The following STARD13 variants were observed in gnomAD, a reference collection of about 807,000 sequenced individuals.
STARD13 encodes StAR related lipid transfer domain containing 13.
STARD13 carries 62 observed loss-of-function variants against 106.4 expected under a neutral mutation model. The observed-to-expected ratio is 0.58, with a 90% CI of 0.48 to 0.72. The LOEUF (loss-of-function observed/expected upper bound fraction) is 0.72, where lower values mean the gene tolerates loss of function less well. STARD13 is among the 30% of genes least tolerant of loss of function. The pLI is 0.00. For synonymous variants in STARD13, 565 were observed against 553.0 expected, an observed-to-expected ratio of 1.02 and a Z score of -0.31; for missense variants, 1,387 against 1,424.0, an observed-to-expected ratio of 0.97 and a Z score of 0.42.
At chr13:33,528,513 A>T in the STARD13 span, among the ~76,000 whole-genome samples, 9 of 151,158 alleles carry the variant, frequency 6.0e-5, no homozygotes, top group Non-Finnish European at 8.8e-5. Flanking sequence ...GCCTCAAGGG[A>T]TCTCTTGTCT....
chr13:33,616,751 TTAAG>T, the STARD13 span, among the ~76,000 whole-genome samples: 2 of 152,204 alleles, frequency 1.3e-5, no homozygotes, highest in Non-Finnish European at 2.9e-5. Context: ...GCTGTAGTAA[TTAAG>T]TAATTACATG....
intron 8 of STARD13, among the ~76,000 whole-genome samples, chr13:33,113,780 T>G (rs550296096): frequency 6.6e-6 from 1 of 152,278 alleles, no homozygotes; most frequent in East Asian, 1.9e-4. Context: ...TACCAGGGAA[T>G]TGGTTCCAAC....
chr13:33,634,830 C>T, the STARD13 span, among the ~76,000 whole-genome samples: 9,069 of 152,120 alleles, frequency 0.06, 507 homozygotes, highest in African/African-American at 0.15. Flanking sequence ...GGTGTCGCTG[C>T]GAATGAAGGG....
chr13:33,440,513 G>A, the STARD13 span, among the ~76,000 whole-genome samples: 1 of 151,386 alleles, frequency 6.6e-6, no homozygotes, highest in African/African-American at 2.4e-5. Flanking sequence ...TGTCCCTGCT[G>A]TCTTTTCTAC....
At chr13:33,562,108 A>G in the STARD13 span, among the ~76,000 whole-genome samples, 4 of 146,528 alleles carry the variant, frequency 2.7e-5, no homozygotes, top group African/African-American at 1.0e-4. Context: ...TTCATATGAG[A>G]TATAGATCCA....
the STARD13 span, among the ~76,000 whole-genome samples, chr13:33,601,598 TC>T: frequency 0.016 from 2,415 of 152,270 alleles, 75 homozygotes; most frequent in African/African-American, 0.055. Flanking sequence ...CTTGACCTAA[TC>T]TAACACACAA....
intron 1 of STARD13, among the ~76,000 whole-genome samples, chr13:33,322,327 A>T (rs761436057): frequency 6.6e-5 from 10 of 152,220 alleles, no homozygotes; most frequent in African/African-American, 9.6e-5. Context: ...AAACAATGCA[A>T]TCAGTAAATC....
the STARD13 span, among the ~76,000 whole-genome samples, chr13:33,582,480 A>G: frequency 1.3e-5 from 2 of 152,202 alleles, no homozygotes; most frequent in Non-Finnish European, 2.9e-5. Flanking sequence ...TGTGCCCAAC[A>G]GAAGAAGGTA....
chr13:33,376,583 C>G, the STARD13 span, among the ~76,000 whole-genome samples: 10 of 151,838 alleles, frequency 6.6e-5, no homozygotes, highest in Admixed American at 6.6e-4. Flanking sequence ...GAATACCCAC[C>G]ACACTCTATC....
chr13:33,112,711 A>G lies in STARD13; in HGVS notation c.2492+10T>C, dbSNP rs1874779812. ...TGGGATTACTGTTGTTACTGAGAAA[A>G]AAAACCCACCGTGGAGAGCTTTCTT... On this transcript the variant is annotated intron_variant, in intron 9 of 13. Coordinates refer to ENST00000336934, the MANE Select transcript of STARD13 (RefSeq NM_178006.4). 6.4e-7 allele frequency: 1 copy of G among 1,572,158 alleles called. No individual in the cohort carries two copies. Among genetic ancestry groups the G allele is most frequent in the Non-Finnish European group, 8.6e-7 (1 of 1,161,198 alleles).
the STARD13 span, among the ~76,000 whole-genome samples, chr13:33,540,882 A>T: frequency 2.0e-5 from 3 of 152,224 alleles, no homozygotes; most frequent in Non-Finnish European, 4.4e-5. Context: ...TTTAGGTGTG[A>T]GATCACACTA....
the STARD13 span, among the ~76,000 whole-genome samples, chr13:33,551,568 C>CTTTTTTTTTT: frequency 0.013 from 595 of 44,794 alleles, 293 homozygotes; most frequent in East Asian, 0.03. Context: ...TTTGCTTTTC[C>CTTTTTTTTTT]CTTTTTTTTT....
chr13:33,463,502 G>C, the STARD13 span, among the ~76,000 whole-genome samples: 1 of 152,170 alleles, frequency 6.6e-6, no homozygotes, highest in Non-Finnish European at 1.5e-5. Flanking sequence ...CTTCTGCCCT[G>C]TCCCTACTTT....
intron 1 of STARD13, among the ~76,000 whole-genome samples, chr13:33,189,470 ACT>A (rs1382821060): frequency 4.4e-5 from 6 of 137,670 alleles, no homozygotes; most frequent in Non-Finnish European, 9.5e-5. Flanking sequence ...AAGGGAAGGG[ACT>A]CTCTGGTTTG....
chr13:33,591,293 G>A, the STARD13 span, among the ~76,000 whole-genome samples: 1 of 152,168 alleles, frequency 6.6e-6, no homozygotes, highest in South Asian at 2.1e-4. Flanking sequence ...AACTCTGTCT[G>A]TTGGAACTTT....
At chr13:33,233,533 A>AAAATAAG (rs1176616717) in intron 1 of STARD13, among the ~76,000 whole-genome samples, 4 of 152,112 alleles carry the variant, frequency 2.6e-5, no homozygotes, top group Non-Finnish European at 5.9e-5. Context: ...GCCCTTAATA[A>AAAATAAG]AAATTCTCTG....
intron 1 of STARD13, among the ~76,000 whole-genome samples, chr13:33,220,060 T>G (rs1385613633): frequency 1.3e-5 from 2 of 152,176 alleles, no homozygotes; most frequent in Non-Finnish European, 2.9e-5. Flanking sequence ...TTTCCTGGAT[T>G]AAAAACTTGA....
At chr13:33,347,210 T>C (rs1594291219), downstream of STARD13, among the ~76,000 whole-genome samples, 1 of 152,288 alleles carries the variant, frequency 6.6e-6, no homozygotes, top group East Asian at 1.9e-4. Context: ...TCCCATAAGC[T>C]TACAATGCCG....
chr13:33,583,741 A>C, the STARD13 span, among the ~76,000 whole-genome samples: 2 of 152,182 alleles, frequency 1.3e-5, no homozygotes, highest in Non-Finnish European at 2.9e-5. Context: ...TCCAAACCAC[A>C]TGCCACTGTA....
Sources: gnomAD v4.1 joint callset for allele counts (sites outside exome capture counted in the v4.1 genomes callset) on GRCh38, gnomAD v4.1.1 for gene constraint, MANE v1.5 for transcripts, NCBI Gene and HGNC (gene_info 2026-07-23, HGNC 2026-07-21) for gene names.